The following KLRF2 variants were observed in gnomAD, a reference collection of about 807,000 sequenced individuals.
KLRF2 encodes killer cell lectin-like receptor subfamily F member 2.
A neutral mutation model predicts 25.3 loss-of-function variants in KLRF2; 28 were observed. The observed-to-expected ratio is 1.11, with a 90% CI of 0.82 to 1.52. KLRF2 has a LOEUF of 1.52. Among genes scored for constraint, KLRF2 ranks in the 40% most tolerant of loss-of-function variants. The pLI is 0.00. For synonymous variants in KLRF2, 73 were observed against 85.0 expected, an observed-to-expected ratio of 0.86 and a Z score of 0.78; for missense variants, 265 against 245.8, an observed-to-expected ratio of 1.08 and a Z score of -0.52.
At chr12:9,888,473 G>A (rs867405525) in intron 2 of KLRF2, among the ~76,000 whole-genome samples, 3 of 151,526 alleles carry the variant, frequency 2.0e-5, no homozygotes, top group African/African-American at 7.3e-5. Flanking sequence ...CTGGGCAACA[G>A]AGTGAGACTC....
At chr12:9,894,405 A>T (rs977257119) in intron 5 of KLRF2, among the ~76,000 whole-genome samples, 25 of 151,202 alleles carry the variant, frequency 1.7e-4, no homozygotes, top group Non-Finnish European at 3.1e-4. Context: ...CTGGTCTCCA[A>T]CTCCTGAGCT....
At chr12:9,888,813 T>G in intron 3 of KLRF2, 33 bp downstream of exon 3, 1 of 1,352,446 alleles carries the variant, frequency 7.4e-7, no homozygotes, top group East Asian at 2.5e-5. Context: ...TGTGCTACTC[T>G]TAGGGGTAAA....
chr12:9,895,592 TG>T (rs1214391437), intron 5 of KLRF2, 96 bp from the exon 6 acceptor site: 2 of 1,174,422 alleles, frequency 1.7e-6, no homozygotes, highest in Non-Finnish European at 2.3e-6. Context: ...CTTTGGCTGC[TG>T]AAGAATTACC....
chr12:9,883,394 G>A (rs868407956), intron 1 of KLRF2, among the ~76,000 whole-genome samples: 18 of 152,158 alleles, frequency 1.2e-4, no homozygotes, highest in African/African-American at 3.9e-4. Context: ...TGCTAGGATA[G>A]GCCAGCATAC....
chr12:9,881,914 A>G (rs11053495), intron 1 of KLRF2, among the ~76,000 whole-genome samples: 1 of 152,052 alleles, frequency 6.6e-6, no homozygotes, highest in South Asian at 2.1e-4. Context: ...GCATAAGAAC[A>G]TCACTTTCGA....
In KLRF2 at chr12:9,893,394, C is replaced by A. The variant is rs758488664; in HGVS notation, c.367-35C>A. 1.3e-5 allele frequency: 14 copies of A among 1,064,510 alleles called. No individual in the cohort carries two copies. In the South Asian group the frequency reaches 1.8e-4, roughly 14 times the overall value. 65.9% of individuals were successfully genotyped at this position (1,064,510 alleles called of 1,614,324 possible). On this transcript the variant is annotated intron_variant, in intron 4 of 5. Transcript: ENST00000535540. Reference sequence around the variant, plus strand: ...TAGAAGGCATCAAAATTTTTTTAAACAAATGAATGAATAAATGCACTATTT... The same window carrying A: ...TAGAAGGCATCAAAATTTTTTTAAAAAAATGAATGAATAAATGCACTATTT...
chr12:9,884,777 G>A (rs1868132125), intron 1 of KLRF2, among the ~76,000 whole-genome samples, 157 bp from the exon 2 acceptor site: 1 of 151,186 alleles, frequency 6.6e-6, no homozygotes, highest in Non-Finnish European at 1.5e-5. Context: ...TATCTCCTTG[G>A]TTTGGGATTC....
At chr12:9,893,790 G>C (rs1862718346) in intron 5 of KLRF2, among the ~76,000 whole-genome samples, 1 of 151,454 alleles carries the variant, frequency 6.6e-6, no homozygotes, top group Non-Finnish European at 1.5e-5. Context: ...TTGTCACCTG[G>C]CAGTTTAATT....
intron 1 of KLRF2, among the ~76,000 whole-genome samples, chr12:9,882,971 C>T (rs1336084835): frequency 6.6e-6 from 1 of 151,968 alleles, no homozygotes; most frequent in Non-Finnish European, 1.5e-5. Context: ...TTTTAATATA[C>T]AAATGTGTAC....
chr12:9,889,794 C>T (rs1862652737), intron 3 of KLRF2, among the ~76,000 whole-genome samples: 1 of 151,826 alleles, frequency 6.6e-6, no homozygotes, highest in Non-Finnish European at 1.5e-5. Context: ...AGAACATAGG[C>T]TATAGAACTA....
intron 5 of KLRF2, among the ~76,000 whole-genome samples, chr12:9,894,122 T>TTTTTTCTCTC (rs775130804): frequency 1.0e-5 from 1 of 96,136 alleles, no homozygotes; most frequent in African/African-American, 4.5e-5. Context: ...TTTCTTTCTT[T>TTTTTTCTCTC]TCTTTCTCTC....
chr12:9,893,349 C>T (rs1233262914), intron 4 of KLRF2, 80 bp from the exon 5 acceptor site: 24 of 808,300 alleles, frequency 3.0e-5, no homozygotes, highest in East Asian at 1.4e-4. Context: ...TTATTAATGC[C>T]GGCACAGAGA....
At chr12:9,894,241 G>T (rs530831711) in intron 5 of KLRF2, among the ~76,000 whole-genome samples, 2 of 150,168 alleles carry the variant, frequency 1.3e-5, no homozygotes, top group African/African-American at 4.9e-5. Flanking sequence ...GAGTGCAGTG[G>T]CATGATCGTG....
At chr12:9,883,414 T>G (rs11053496) in intron 1 of KLRF2, among the ~76,000 whole-genome samples, 29,068 of 152,144 alleles carry the variant, frequency 0.19, 4,397 homozygotes, top group African/African-American at 0.42. Context: ...CTGCACTTCA[T>G]GTACTCAGCT....
At chr12:9,886,754 T>C (rs534855252) in intron 2 of KLRF2, among the ~76,000 whole-genome samples, 36 of 119,834 alleles carry the variant, frequency 3.0e-4, no homozygotes, top group African/African-American at 1.0e-3. Flanking sequence ...ATTTTGCCCC[T>C]ATATCATGCA....
intron 3 of KLRF2, among the ~76,000 whole-genome samples, chr12:9,891,364 A>G (rs917818288): frequency 2.6e-5 from 4 of 152,194 alleles, no homozygotes; most frequent in African/African-American, 4.8e-5. Flanking sequence ...GTTACCTACA[A>G]TAACTCTTTT....
rs531184064 is a variant in KLRF2 at position 9,882,706 on chromosome 12, G to A, written c.70+1041G>A. ...TGAGGCAGGAGAATCGCTTGAACCCGGGAGACGGAGGTTGCAGTCAGCTGA... is the reference window on the plus strand; with the variant it reads ...TGAGGCAGGAGAATCGCTTGAACCCAGGAGACGGAGGTTGCAGTCAGCTGA... On this transcript the variant is annotated intron_variant, in intron 1 of 5. Coordinates refer to ENST00000535540, the MANE Select transcript of KLRF2 (RefSeq NM_001190765.1). Among the ~76,000 whole-genome samples the A allele has an allele frequency of 3.3e-5, 5 of 152,156 alleles. No individual in the cohort carries two copies. In the South Asian group the frequency reaches 8.3e-4, roughly 25 times the overall value.
intron 3 of KLRF2, 131 bp from the exon 4 acceptor site, chr12:9,892,889 T>G (rs1862697158): frequency 2.8e-6 from 2 of 719,426 alleles, no homozygotes; most frequent in South Asian, 4.0e-5. Context: ...TGGTCTGAAC[T>G]CCTTTTTATT....
intron 3 of KLRF2, among the ~76,000 whole-genome samples, chr12:9,890,699 C>G (rs1342564479): frequency 6.6e-6 from 1 of 152,206 alleles, no homozygotes; most frequent in Non-Finnish European, 1.5e-5. Flanking sequence ...TCAAAATCAA[C>G]AGATGGGGAC....
Sources: gnomAD v4.1 joint callset for allele counts (sites outside exome capture counted in the v4.1 genomes callset) on GRCh38, gnomAD v4.1.1 for gene constraint, MANE v1.5 for transcripts, NCBI Gene and HGNC (gene_info 2026-07-23, HGNC 2026-07-21) for gene names.